AGAP1: variants seen among roughly 807,000 people sequenced by gnomAD.
The protein encoded by AGAP1 is ArfGAP with GTPase domain, ankyrin repeat and PH domain 1, also known as arf-GAP with GTPase, ANK repeat and PH domain-containing protein 1.
Under a neutral mutation model 105.3 loss-of-function variants are expected in AGAP1, and 29 were observed. That is an observed-to-expected ratio of 0.28 (90% CI 0.21 to 0.38). The LOEUF is 0.38. AGAP1 is among the 10% of genes least tolerant of loss of function. AGAP1 has a pLI of 1.00. For missense variants in AGAP1, 998 were observed against 1,165.1 expected (o/e 0.86, Z 2.09); for synonymous variants, 509 against 485.9 (o/e 1.05, Z -0.63).
At position 235,807,300 on chromosome 2, in the gene AGAP1, T is replaced by A; in HGVS notation, c.1019T>A (p.Ile340Asn). 1 of 1,602,184 alleles carries A rather than the reference T, an allele frequency of 6.2e-7. No homozygotes were observed. The highest frequency in any genetic ancestry group is 1.1e-5 in the South Asian group (1 of 89,322). The change falls in exon 9 of 18, where the codon ATT becomes AAT. Residue 340 changes from isoleucine (I) to asparagine (N), a missense_variant. By Grantham distance (149) the Ile-to-Asn change is moderately radical. Coordinates refer to ENST00000304032, the MANE Select transcript of AGAP1 (RefSeq NM_001037131.3). Reference protein sequence around the residue: ...KKGLESRADSIGSGRAIPIKQ... With the variant: ...KKGLESRADSNGSGRAIPIKQ... ...GGCCTGGAGAGTCGTGCGGACAGCA[T>A]TGGGAGCGGCCGAGCCATCCCAATT...
chr2:235,913,468 C>T (rs937970936), intron 11 of AGAP1, among the ~76,000 whole-genome samples: 2 of 150,926 alleles, frequency 1.3e-5, no homozygotes, highest in Admixed American at 6.6e-5. Flanking sequence ...CCTATTAATT[C>T]CATATGTTGC....
chr2:236,027,287 A>G lies in AGAP1; in HGVS notation c.1646-9274A>G, dbSNP rs1173322542. Among the ~76,000 whole-genome samples, 1 of 152,142 alleles carries G rather than the reference A, an allele frequency of 6.6e-6. No homozygotes were observed. The highest frequency in any genetic ancestry group is 1.5e-5 in the Non-Finnish European group (1 of 68,020). ...GCCACCTAAAGACAGGATCCTGGGA[A>G]ACACATGGGCCTAGCATAGCTGGAT... On this transcript the variant is annotated intron_variant, in intron 13 of 17. Coordinates refer to ENST00000304032, the MANE Select transcript of AGAP1 (RefSeq NM_001037131.3). This position sits in a 1 kb window ranked among gnomAD's most constrained non-coding sequence, Gnocchi z 4.4.
In AGAP1 at chr2:235,961,127, G is replaced by A. The variant is rs58163375; in HGVS notation, c.1484-7335G>A. On this transcript the variant is annotated intron_variant, in intron 12 of 17. Coordinates refer to ENST00000304032, the MANE Select transcript of AGAP1 (RefSeq NM_001037131.3). The surrounding 1 kb of genome is among the most constrained non-coding windows in gnomAD (Gnocchi z 5.9). Reference sequence around the variant, plus strand: ...AGGCCTGCCTTCCTGAAGCTCGAGCGCTCATAGGGAAGATGTTCCGTAAAC... The same window carrying A: ...AGGCCTGCCTTCCTGAAGCTCGAGCACTCATAGGGAAGATGTTCCGTAAAC... Among the ~76,000 whole-genome samples the A allele has an allele frequency of 1.3e-5, 2 of 152,334 alleles. No homozygotes were observed. Among genetic ancestry groups the A allele is most frequent in the Middle Eastern group, 3.4e-3 (1 of 294 alleles).
rs1201165310 is a variant in AGAP1, at chr2:235,635,517, C to T, written c.164-73662C>T. 1.3e-5 allele frequency among the ~76,000 whole-genome samples: 2 copies of T among 152,098 alleles called. No homozygotes were observed. Among genetic ancestry groups the T allele is most frequent in the African/African-American group, 4.8e-5 (2 of 41,410 alleles). ...AGTTCCATTGTTTGAGATGATTCAA[C>T]ATGATTTGGAAACCATGGGGTAAGT... On this transcript the variant is annotated intron_variant, in intron 1 of 17. Coordinates refer to ENST00000304032, the MANE Select transcript of AGAP1 (RefSeq NM_001037131.3). The surrounding 1 kb of genome is among the most constrained non-coding windows in gnomAD (Gnocchi z 5.3).
rs3768951 is a variant in AGAP1, at chr2:236,045,826, G to C, written c.1892-3233G>C. 1 of 401,002 alleles carries C rather than the reference G, an allele frequency of 2.5e-6. No homozygotes were observed. Among genetic ancestry groups the C allele is most frequent in the Non-Finnish European group, 5.4e-6 (1 of 185,538 alleles). The allele number at this position is 401,002 out of a possible 1,614,324, so 24.8% of individuals were successfully genotyped here. A position where few individuals can be genotyped will look rare whatever the true frequency, so the allele number is the denominator to read the frequency against. ...CCGATGAGTCATTCTCTGCTGGAGCGGAGGCAAGGTTCTCCCCTCAGTCAG... is the reference window on the plus strand; with the variant it reads ...CCGATGAGTCATTCTCTGCTGGAGCCGAGGCAAGGTTCTCCCCTCAGTCAG... On this transcript the variant is annotated intron_variant, in intron 15 of 17. Coordinates refer to ENST00000304032, the MANE Select transcript of AGAP1 (RefSeq NM_001037131.3). The surrounding 1 kb of genome is among the most constrained non-coding windows in gnomAD (Gnocchi z 6.9).
rs2057674181 is a variant in AGAP1 at position 236,045,004 on chromosome 2, T to TGCAG, written c.1892-4055_1892-4054insGCAG. Among the ~76,000 whole-genome samples, 2 of 152,140 alleles carry TGCAG rather than the reference T, an allele frequency of 1.3e-5. No homozygotes were observed. The highest frequency in any genetic ancestry group is 4.8e-5 in the African/African-American group (2 of 41,446). The stretch of plus-strand genomic sequence containing the variant: ...ATCATGGCTCACTGCAGCCTTGAAC[T>TGCAG]CTTAGGCTCCAGCAATCCTCCCACC... On this transcript the variant is annotated intron_variant, in intron 15 of 17. Transcript: ENST00000304032. The surrounding 1 kb of genome is among the most constrained non-coding windows in gnomAD (Gnocchi z 6.9).
chr2:236,034,748 G>T (rs116836693), intron 13 of AGAP1, among the ~76,000 whole-genome samples: 3,155 of 152,272 alleles, frequency 0.021, 40 homozygotes, highest in Non-Finnish European at 0.029. Flanking sequence ...CCTCAGGCCC[G>T]ACCTCCACTC....
intron 8 of AGAP1, 21 bp from the exon 9 acceptor site, chr2:235,807,218 A>C (rs1204385253): frequency 1.2e-6 from 2 of 1,607,986 alleles, no homozygotes; most frequent in Admixed American, 1.7e-5. Context: ...CCCAGATGCC[A>C]ACTTTCCTTT....
intron 16 of AGAP1, among the ~76,000 whole-genome samples, chr2:236,107,845 CTG>C (rs2125926228): frequency 6.6e-6 from 1 of 152,352 alleles, no homozygotes; most frequent in Non-Finnish European, 1.5e-5. Flanking sequence ...GCACATTTAA[CTG>C]TGACTTGCAG....
intron 16 of AGAP1, among the ~76,000 whole-genome samples, chr2:236,052,745 C>T (rs959212225): frequency 6.6e-6 from 1 of 152,066 alleles, no homozygotes; most frequent in Admixed American, 6.5e-5. Context: ...AATTTATTGT[C>T]GCAGGAGGGG....
chr2:235,530,654 G>A (rs10048688), intron 1 of AGAP1, among the ~76,000 whole-genome samples: 3,614 of 152,166 alleles, frequency 0.024, 152 homozygotes, highest in African/African-American at 0.082. Flanking sequence ...CCATCCTGAC[G>A]TCCCCTTCTC....
At position 236,098,739 on chromosome 2, in the gene AGAP1, G is replaced by A. The variant is rs376174289; in HGVS notation, c.2115-21453G>A. On this transcript the variant is annotated intron_variant, in intron 16 of 17. Coordinates refer to ENST00000304032, the MANE Select transcript of AGAP1 (RefSeq NM_001037131.3). Reference sequence around the variant, plus strand: ...TGCTGGGCTCAAGCGATCCCCCTGCGTCAGCCTCCCCAGTAGCTGGGACTA... The same window carrying A: ...TGCTGGGCTCAAGCGATCCCCCTGCATCAGCCTCCCCAGTAGCTGGGACTA... 5.0e-3 allele frequency among the ~76,000 whole-genome samples: 747 copies of A among 150,030 alleles called. 6 individuals are homozygous for A. The highest frequency in any genetic ancestry group is 0.017 in the African/African-American group (700 of 40,782).
intron 1 of AGAP1, among the ~76,000 whole-genome samples, chr2:235,510,262 G>A (rs191260880): frequency 2.2e-4 from 33 of 152,208 alleles, no homozygotes; most frequent in Non-Finnish European, 3.7e-4. Context: ...CCACGAAACC[G>A]GTCCCTGATG....
At chr2:235,996,216 T>TA (rs2055807480) in intron 13 of AGAP1, among the ~76,000 whole-genome samples, 1 of 152,352 alleles carries the variant, frequency 6.6e-6, no homozygotes, top group Admixed American at 6.5e-5. Context: ...TAGTTATCTG[T>TA]AGTTAACAAC....
At chr2:235,807,445 G>A (rs1957894443) in intron 9 of AGAP1, 114 bp downstream of exon 9, 2 of 861,166 alleles carry the variant, frequency 2.3e-6, no homozygotes, top group Admixed American at 3.2e-5. Context: ...GTTGATGAAT[G>A]TAGAAGTCTC....
intron 1 of AGAP1, among the ~76,000 whole-genome samples, chr2:235,667,575 A>G (rs1318566146): frequency 6.6e-6 from 1 of 152,060 alleles, no homozygotes; most frequent in Admixed American, 6.5e-5. Flanking sequence ...CCCTAACCAG[A>G]TGGGCGCTAG....
chr2:236,027,493 G>A lies in AGAP1; in HGVS notation c.1646-9068G>A, dbSNP rs1177688293. 6.6e-6 allele frequency among the ~76,000 whole-genome samples: 1 copy of A among 152,122 alleles called. No homozygotes were observed. On this transcript the variant is annotated intron_variant, in intron 13 of 17. Transcript: ENST00000304032. This position sits in a 1 kb window ranked among gnomAD's most constrained non-coding sequence, Gnocchi z 4.4. The stretch of plus-strand genomic sequence containing the variant: ...TGCCCACCTCTGCGCTGAGCATGTA[G>A]GGTTCCATCTCCCGCCTCTGCCCTG...
At chr2:236,108,180 A>G (rs972946761) in intron 16 of AGAP1, among the ~76,000 whole-genome samples, 1 of 152,144 alleles carries the variant, frequency 6.6e-6, no homozygotes, top group Non-Finnish European at 1.5e-5. Flanking sequence ...GCATGCATGC[A>G]AGGGGGAGGC....
chr2:236,115,005 G>C (rs2059735562), intron 16 of AGAP1, among the ~76,000 whole-genome samples: 1 of 152,196 alleles, frequency 6.6e-6, no homozygotes, highest in South Asian at 2.1e-4. Context: ...GGCTTGGCAA[G>C]ACCTCTGGCC....
Sources: gnomAD v4.1 joint callset for allele counts (sites outside exome capture counted in the v4.1 genomes callset) on GRCh38, gnomAD v4.1.1 for gene constraint, Gnocchi (gnomAD v3.1) non-coding constraint, MANE v1.5 for transcripts, NCBI Gene and HGNC (gene_info 2026-07-23, HGNC 2026-07-21) for gene names.